HDGFL3: variants seen among roughly 807,000 people sequenced by gnomAD.
HDGFL3 encodes the protein hepatoma-derived growth factor-related protein 3.
A neutral mutation model predicts 27.6 loss-of-function variants in HDGFL3; 6 were observed. The ratio of observed to expected loss-of-function variants is 0.22; its 90% confidence interval spans 0.12 to 0.43. The LOEUF is 0.43. HDGFL3 is among the 20% of genes least tolerant of loss of function. The pLI is 1.00. For missense variants in HDGFL3, 207 were observed against 250.1 expected (o/e 0.83, Z 1.16); for synonymous variants, 88 against 88.9 (o/e 0.99, Z 0.05).
chr15:83,158,526 T>C (rs1333039950), intron 2 of HDGFL3, among the ~76,000 whole-genome samples: 1 of 152,234 alleles, frequency 6.6e-6, no homozygotes. Flanking sequence ...TAGTTACCCA[T>C]GGTCAACTGT....
chr15:83,145,880 C>A (rs2036881171), intron 5 of HDGFL3, among the ~76,000 whole-genome samples: 1 of 136,782 alleles, frequency 7.3e-6, no homozygotes, highest in African/African-American at 2.7e-5. Flanking sequence ...TTTTCTCTCT[C>A]TCTCCCTTTC....
At chr15:83,140,882 C>T (rs2036756408) in intron 5 of HDGFL3, among the ~76,000 whole-genome samples, 1 of 152,160 alleles carries the variant, frequency 6.6e-6, no homozygotes. Flanking sequence ...ACTCAATCCA[C>T]ATCAAAGAAT....
intron 1 of HDGFL3, among the ~76,000 whole-genome samples, chr15:83,193,003 C>A (rs1460593363): frequency 6.6e-6 from 1 of 152,220 alleles, no homozygotes; most frequent in Non-Finnish European, 1.5e-5. Flanking sequence ...CATGTCACCA[C>A]AGGACCTTAC....
chr15:83,177,605 A>G (rs927566129), intron 1 of HDGFL3, among the ~76,000 whole-genome samples: 2 of 152,216 alleles, frequency 1.3e-5, no homozygotes, highest in Admixed American at 6.5e-5. Flanking sequence ...AAGACCCTAC[A>G]CTAACATTGT....
chr15:83,142,480 C>T (rs2036793497), intron 5 of HDGFL3, among the ~76,000 whole-genome samples: 2 of 152,032 alleles, frequency 1.3e-5, no homozygotes, highest in South Asian at 2.1e-4. Flanking sequence ...ATAATGAGAA[C>T]TCATGGACAC....
intron 1 of HDGFL3, chr15:83,180,793 ACAC>A (rs2037371304): frequency 6.6e-6 from 1 of 152,118 alleles, no homozygotes; most frequent in East Asian, 1.9e-4. Context: ...CTACAAGCAC[ACAC>A]CACCATGGCC....
At chr15:83,139,953 A>T (rs1309431462) in intron 5 of HDGFL3, among the ~76,000 whole-genome samples, 1 of 152,162 alleles carries the variant, frequency 6.6e-6, no homozygotes, top group African/African-American at 2.4e-5. Flanking sequence ...CCCCAAAAGG[A>T]TGCTATTTTT....
At chr15:83,127,521 T>C, downstream of HDGFL3, 1 of 1,606,514 alleles carries the variant, frequency 6.2e-7, no homozygotes, top group Non-Finnish European at 8.5e-7. Context: ...GTGGTCTAGG[T>C]GTCAATTGTT....
At chr15:83,193,775 A>G (rs897082192) in intron 1 of HDGFL3, among the ~76,000 whole-genome samples, 1 of 152,214 alleles carries the variant, frequency 6.6e-6, no homozygotes, top group African/African-American at 2.4e-5. Flanking sequence ...TCTGTCCCTT[A>G]ATTTCCATGT....
Position 83,112,781 on chromosome 15 carries a change from G to A in HDGFL3, c.*2928C>T, listed in dbSNP as rs775487472. 14 of 1,593,370 alleles carry A rather than the reference G, an allele frequency of 8.8e-6. No individual in the cohort carries two copies. In the Admixed American group the frequency reaches 2.3e-4, roughly 27 times the overall value. On this transcript the variant is annotated 3_prime_UTR_variant, in exon 4 of 4. Transcript: ENST00000568294. ...TTATTTTGATAGTGACCACCTCCCT[G>A]TTCTGGTCGTTGCAGTTCCTGGACT...
At chr15:83,177,304 T>C (rs1313752471) in intron 1 of HDGFL3, among the ~76,000 whole-genome samples, 3 of 152,224 alleles carry the variant, frequency 2.0e-5, no homozygotes, top group African/African-American at 7.2e-5. Context: ...AAAACACCTA[T>C]TTGTCCTTGT....
exon 4 of HDGFL3, chr15:83,112,945 C>A: frequency 7.0e-7 from 1 of 1,435,260 alleles, no homozygotes; most frequent in South Asian, 1.1e-5. Context: ...ATTAATAACA[C>A]AATACTTTCA....
chr15:83,115,845 T>C (rs780300570), intron 3 of HDGFL3: 19 of 1,611,270 alleles, frequency 1.2e-5, no homozygotes, highest in Non-Finnish European at 9.3e-6. Context: ...TTTGCTCTAG[T>C]GTATGCAGTT....
chr15:83,185,253 A>C (rs2037428244), intron 1 of HDGFL3, among the ~76,000 whole-genome samples: 1 of 152,088 alleles, frequency 6.6e-6, no homozygotes, highest in Non-Finnish European at 1.5e-5. Flanking sequence ...CGAACTCCTG[A>C]CCTCAGGCAA....
chr15:83,195,933 G>A (rs777357734), intron 1 of HDGFL3, among the ~76,000 whole-genome samples: 15 of 151,898 alleles, frequency 9.9e-5, no homozygotes, highest in Non-Finnish European at 2.1e-4. Context: ...AATATCCAAC[G>A]AAGTACTATA....
intron 3 of HDGFL3, among the ~76,000 whole-genome samples, chr15:83,121,072 C>CT (rs956601872): frequency 8.3e-4 from 122 of 146,936 alleles, no homozygotes; most frequent in African/African-American, 2.2e-3. Flanking sequence ...ATTGAAGGAA[C>CT]TTTTTTTTTT....
At chr15:83,147,282 G>C (rs767388664) in intron 5 of HDGFL3, among the ~76,000 whole-genome samples, 2 of 151,952 alleles carry the variant, frequency 1.3e-5, no homozygotes, top group Non-Finnish European at 2.9e-5. Flanking sequence ...GGATGGTCTC[G>C]ATCTCTTGAT....
chr15:83,173,161 A>C (rs1190748046), intron 1 of HDGFL3, among the ~76,000 whole-genome samples: 3 of 152,194 alleles, frequency 2.0e-5, no homozygotes, highest in African/African-American at 7.2e-5. Flanking sequence ...CTGACTTATA[A>C]TGGTTTGACT....
At chr15:83,120,444 C>A (rs755801364) in intron 3 of HDGFL3, among the ~76,000 whole-genome samples, 17 of 152,178 alleles carry the variant, frequency 1.1e-4, no homozygotes, top group Non-Finnish European at 1.8e-4. Context: ...CAAAACATTT[C>A]AAGTCCGGCC....
Sources: allele counts gnomAD v4.1 joint callset (sites outside exome capture counted in the v4.1 genomes callset), GRCh38; gene constraint gnomAD v4.1.1; transcripts MANE v1.5; gene names NCBI Gene and HGNC (gene_info 2026-07-23, HGNC 2026-07-21).